Variants in KCNAB1 observed in about 807,000 individuals in gnomAD.
KCNAB1 encodes the protein voltage-gated potassium channel subunit beta-1.
KCNAB1 carries 35 observed loss-of-function variants against 64.6 expected under a neutral mutation model. The observed-to-expected ratio is 0.54, with a 90% CI of 0.41 to 0.72. KCNAB1 has a LOEUF of 0.72. Ranked by LOEUF, KCNAB1 falls within the 30% of genes least tolerant of loss-of-function variation. KCNAB1 has a pLI of 0.00. For synonymous variants in KCNAB1, 177 were observed against 183.8 expected (o/e 0.96, Z 0.30); for missense variants, 401 against 512.9 (o/e 0.78, Z 2.11).
At chr3:156,356,651 C>T (rs1183210630) in intron 1 of KCNAB1, among the ~76,000 whole-genome samples, 6 of 152,146 alleles carry the variant, frequency 3.9e-5, no homozygotes, top group Non-Finnish European at 5.9e-5. Flanking sequence ...AAATAATATA[C>T]TAAAATGCAG....
At chr3:156,395,141 G>T (rs2108176362) in intron 1 of KCNAB1, among the ~76,000 whole-genome samples, 1 of 152,230 alleles carries the variant, frequency 6.6e-6, no homozygotes, top group South Asian at 2.1e-4. Flanking sequence ...CCAGACAAGT[G>T]CTCACCATAC....
intron 11 of KCNAB1, among the ~76,000 whole-genome samples, chr3:156,517,721 G>A (rs1717651033): frequency 6.6e-6 from 1 of 152,214 alleles, no homozygotes; most frequent in Non-Finnish European, 1.5e-5. Context: ...TTAGTCAGTT[G>A]AGCTAAGCAT....
chr3:156,310,338 A>C (rs1244902866), intron 1 of KCNAB1, among the ~76,000 whole-genome samples: 1 of 152,104 alleles, frequency 6.6e-6, no homozygotes, highest in East Asian at 1.9e-4. Flanking sequence ...AAGGGTCAGG[A>C]GAGAGATGGG....
intron 1 of KCNAB1, among the ~76,000 whole-genome samples, chr3:156,262,319 G>A (rs1315966942): frequency 1.3e-5 from 2 of 151,884 alleles, no homozygotes; most frequent in African/African-American, 2.4e-5. Flanking sequence ...TATGATGTGA[G>A]CTGTGGATTT....
intron 8 of KCNAB1, among the ~76,000 whole-genome samples, chr3:156,480,443 C>T (rs1466613609): frequency 6.6e-6 from 1 of 151,734 alleles, no homozygotes. Flanking sequence ...GGTATAAAGC[C>T]TAGATGACGG....
chr3:156,482,103 A>G (rs1714859979), intron 8 of KCNAB1, among the ~76,000 whole-genome samples: 1 of 152,148 alleles, frequency 6.6e-6, no homozygotes, highest in South Asian at 2.1e-4. Context: ...TGGAGTTGGC[A>G]GTGTAATTTT....
chr3:156,311,408 C>A (rs1246829997), intron 1 of KCNAB1, among the ~76,000 whole-genome samples: 1 of 152,102 alleles, frequency 6.6e-6, no homozygotes, highest in Non-Finnish European at 1.5e-5. Context: ...TGAATTTTGA[C>A]CAGAGAGTTA....
At chr3:156,266,579 C>G (rs1030719801) in intron 1 of KCNAB1, among the ~76,000 whole-genome samples, 1 of 152,192 alleles carries the variant, frequency 6.6e-6, no homozygotes, top group Non-Finnish European at 1.5e-5. Flanking sequence ...TAGAGGCCAA[C>G]TATAGAGAGG....
At chr3:156,348,279 C>T (rs1443697639) in intron 1 of KCNAB1, among the ~76,000 whole-genome samples, 2 of 152,072 alleles carry the variant, frequency 1.3e-5, no homozygotes, top group Non-Finnish European at 2.9e-5. Flanking sequence ...ATGCAAAGGC[C>T]ATGAGTTGGG....
At chr3:156,120,434 A>G, upstream of KCNAB1, 3 of 725,778 alleles carry the variant, frequency 4.1e-6, no homozygotes, top group South Asian at 5.3e-5. Flanking sequence ...TTCACTAGGA[A>G]AGGTTAGAGA....
At chr3:156,325,926 G>A (rs894395895) in intron 1 of KCNAB1, among the ~76,000 whole-genome samples, 5 of 152,044 alleles carry the variant, frequency 3.3e-5, no homozygotes, top group Non-Finnish European at 5.9e-5. Flanking sequence ...AGTAAGTTGG[G>A]GTTTACAAAA....
At position 156,289,608 on chromosome 3, in the gene KCNAB1, C is replaced by T. The variant is rs1720285421; in HGVS notation, c.276-132008C>T. On this transcript the variant is annotated intron_variant, in intron 1 of 13. Transcript: ENST00000490337. ...GTCCCAGACTTATTTGTTCCTTTCC[C>T]CAACCCTCACTGATTCTAAAATTAC... Among the ~76,000 whole-genome samples the T allele has an allele frequency of 2.0e-5, 3 of 152,188 alleles. No individual in the cohort carries two copies. The South Asian group carries it at 6.2e-4, about 32-fold the overall frequency.
intron 1 of KCNAB1, among the ~76,000 whole-genome samples, chr3:156,272,211 T>C (rs1412705161): frequency 6.6e-6 from 1 of 152,228 alleles, no homozygotes; most frequent in Non-Finnish European, 1.5e-5. Flanking sequence ...AACTGGCTAT[T>C]GCCTATGTTT....
intron 1 of KCNAB1, among the ~76,000 whole-genome samples, chr3:156,177,103 T>C (rs4680239): frequency 0.6 from 91,390 of 151,934 alleles, 28,190 homozygotes; most frequent in East Asian, 0.93. Context: ...TCAACTTTAT[T>C]GTATGTGATA....
At chr3:156,121,471 C>G (rs536676148) in intron 1 of KCNAB1, among the ~76,000 whole-genome samples, 6 of 152,172 alleles carry the variant, frequency 3.9e-5, no homozygotes, top group African/African-American at 1.4e-4. Flanking sequence ...TAAGGCAAAT[C>G]TCTATGGGTT....
chr3:156,300,091 C>T (rs1426463907), intron 1 of KCNAB1, among the ~76,000 whole-genome samples: 4 of 152,160 alleles, frequency 2.6e-5, no homozygotes, highest in Admixed American at 2.6e-4. Flanking sequence ...GTGTGGCATA[C>T]AGAGGACTCC....
At chr3:156,234,887 A>C (rs953865235) in intron 1 of KCNAB1, among the ~76,000 whole-genome samples, 4 of 152,180 alleles carry the variant, frequency 2.6e-5, no homozygotes, top group Admixed American at 2.6e-4. Context: ...TATTATAAGA[A>C]ATGTGACCAT....
At chr3:156,455,337 G>A (rs996735216) in intron 3 of KCNAB1, among the ~76,000 whole-genome samples, 2 of 152,252 alleles carry the variant, frequency 1.3e-5, no homozygotes, top group Non-Finnish European at 1.5e-5. Context: ...ACTTTCTCAG[G>A]AGGTGGGGAT....
intron 1 of KCNAB1, among the ~76,000 whole-genome samples, chr3:156,234,868 A>G (rs998309432): frequency 6.6e-6 from 1 of 152,200 alleles, no homozygotes; most frequent in Non-Finnish European, 1.5e-5. Context: ...AACGTATACC[A>G]GAGTTTGCTA....
Sources: allele counts gnomAD v4.1 joint callset (sites outside exome capture counted in the v4.1 genomes callset), GRCh38; gene constraint gnomAD v4.1.1; transcripts MANE v1.5; gene names NCBI Gene and HGNC (gene_info 2026-07-23, HGNC 2026-07-21).